S1PR2: variants seen among roughly 807,000 people sequenced by gnomAD.
S1PR2 encodes sphingosine-1-phosphate receptor 2, also known as sphingosine 1-phosphate receptor 2.
A neutral mutation model predicts 16.1 loss-of-function variants in S1PR2; 9 were observed. That is an observed-to-expected ratio of 0.56 (90% CI 0.34 to 0.98). The LOEUF is 0.98. Ranked by LOEUF, S1PR2 falls within the 50% of genes least tolerant of loss-of-function variation. The probability of loss-of-function intolerance (pLI) is 0.02; values close to 1 mark genes in which losing one functional copy is unlikely to be tolerated. For missense variants in S1PR2, 361 were observed against 488.4 expected, an observed-to-expected ratio of 0.74 and a Z score of 2.46; for synonymous variants, 224 against 233.9, an observed-to-expected ratio of 0.96 and a Z score of 0.38.
At chr19:10,230,244 T>TCG (rs2039663101) in intron 1 of S1PR2, among the ~76,000 whole-genome samples, 1 of 152,124 alleles carries the variant, frequency 6.6e-6, no homozygotes, top group African/African-American at 2.4e-5. Flanking sequence ...CCACGCTCGC[T>TCG]CGCGCGGGAG....
chr19:10,224,063 G>A lies in S1PR2; in HGVS notation c.843C>T (p.Ser281=). 6.2e-7 allele frequency: 1 copy of A among 1,603,802 alleles called. No individual in the cohort carries two copies. The highest frequency in any genetic ancestry group is 8.5e-7 in the Non-Finnish European group (1 of 1,177,294). ...HYFFAVSTLN[S]LLNPVIYTWR... ...ACGTGTAGATGACGGGGTTGAGCAG[G>A]GAATTCAGGGTGGAGACGGCGAAAA... Residue 281 remains serine (S), a synonymous_variant, in exon 2 of 2, where the codon TCC becomes TCT. Coordinates refer to ENST00000646641, the MANE Select transcript of S1PR2 (RefSeq NM_004230.4).
At chr19:10,227,967 T>C (rs1220930607) in intron 1 of S1PR2, among the ~76,000 whole-genome samples, 1 of 152,076 alleles carries the variant, frequency 6.6e-6, no homozygotes, top group Non-Finnish European at 1.5e-5. Context: ...CCCCCTCTGC[T>C]GCTCACCAAG....
At chr19:10,225,390 ATT>A (rs35464657) in intron 1 of S1PR2, among the ~76,000 whole-genome samples, 11,857 of 79,812 alleles carry the variant, frequency 0.15, 473 homozygotes, top group Middle Eastern at 0.19. Context: ...CGCCTGGCTA[ATT>A]TTTTTTTTTT....
At position 10,224,480 on chromosome 19, in the gene S1PR2, G is replaced by A. The variant is rs768290233; in HGVS notation, c.426C>T (p.Ser142=). Residue 142 remains serine, a synonymous_variant, in exon 2 of 2, where the codon AGC becomes AGT. Coordinates refer to ENST00000646641, the MANE Select transcript of S1PR2 (RefSeq NM_004230.4). ...GCAGAAGCATGCGGCAGCTCTTGTC[G>A]CTGCCATACAGCTTGACCTTGGCAA... is the stretch of plus-strand genomic sequence containing the variant. ...VAIAKVKLYG[S]DKSCRMLLLI... is the part of the protein sequence containing the mutation. The A allele has an allele frequency of 1.8e-5, 29 of 1,613,830 alleles. No homozygotes were observed. The highest frequency in any genetic ancestry group is 1.1e-4 in the African/African-American group (8 of 75,078).
chr19:10,230,230 G>C (rs925634471), intron 1 of S1PR2, among the ~76,000 whole-genome samples: 3 of 152,318 alleles, frequency 2.0e-5, no homozygotes, highest in East Asian at 1.9e-4. Flanking sequence ...GGAATGCGCG[G>C]TATCCACGCT....
At chr19:10,229,818 A>G (rs984388471) in intron 1 of S1PR2, among the ~76,000 whole-genome samples, 37 of 152,332 alleles carry the variant, frequency 2.4e-4, no homozygotes, top group Admixed American at 2.2e-3. Context: ...TATTATCTGC[A>G]CAGCGCTTGC....
Position 10,223,891 on chromosome 19 carries a change from G to C in S1PR2, c.1015C>G (p.His339Asp). ...RSSSSLERGM[H>D]MPTSPTFLEG... is the part of the protein sequence containing the mutation. ...AGAAACGTGGGTGACGTGGGCATGT[G>C]CATGCCCCTCTCCAGGGAGCTGGAG... Residue 339 changes from histidine to aspartate, a missense_variant, in exon 2 of 2, where the codon CAC becomes GAC. Transcript: ENST00000646641. 1 of 1,579,728 alleles carries C rather than the reference G, an allele frequency of 6.3e-7. No homozygotes were observed. The highest frequency in any genetic ancestry group is 8.6e-7 in the Non-Finnish European group (1 of 1,163,294).
intron 1 of S1PR2, among the ~76,000 whole-genome samples, chr19:10,228,843 TAGACTC>T (rs757518759): frequency 6.6e-6 from 1 of 152,116 alleles, no homozygotes; most frequent in Non-Finnish European, 1.5e-5. Context: ...GGAAGAGAGA[TAGACTC>T]AGACGACTGT....
At chr19:10,226,498 T>C (rs929203194) in intron 1 of S1PR2, among the ~76,000 whole-genome samples, 1 of 152,188 alleles carries the variant, frequency 6.6e-6, no homozygotes, top group African/African-American at 2.4e-5. Flanking sequence ...GTTTAGCTCA[T>C]AGTAAGCACT....
chr19:10,223,709 A>C lies in S1PR2; in HGVS notation c.*135T>G, dbSNP rs1408316455. On this transcript the variant is annotated 3_prime_UTR_variant, in exon 2 of 2. Coordinates refer to ENST00000646641, the MANE Select transcript of S1PR2 (RefSeq NM_004230.4). ...GCCTTATCTGGCCTTTCCAGGTGTG[A>C]AATATTTGCAACATCACCCAGGTCT... 1.9e-5 allele frequency: 16 copies of C among 826,542 alleles called. No individual in the cohort carries two copies. Among genetic ancestry groups the C allele is most frequent in the Non-Finnish European group, 3.0e-5 (16 of 536,300 alleles). 51.2% of individuals were successfully genotyped at this position (826,542 alleles called of 1,614,324 possible).
At chr19:10,230,187 TG>T (rs1399823497) in intron 1 of S1PR2, among the ~76,000 whole-genome samples, 1 of 152,178 alleles carries the variant, frequency 6.6e-6, no homozygotes, top group Non-Finnish European at 1.5e-5. Context: ...GACCCCGTGC[TG>T]GCCCGCACTC....
In S1PR2 at chr19:10,224,555, C is replaced by T. The variant is rs754134254; in HGVS notation, c.351G>A (p.Ser117=). ...AREGSAFITL[S]ASVFSLLAIA... ...TGGCCAGGAGGCTGAAGACAGAGGC[C>T]GAGAGCGTGATGAAGGCAGAGCCCT... Residue 117 remains serine (S), a synonymous_variant, in exon 2 of 2, where the codon TCG becomes TCA. Coordinates refer to ENST00000646641, the MANE Select transcript of S1PR2 (RefSeq NM_004230.4). 9 of 1,613,870 alleles carry T rather than the reference C, an allele frequency of 5.6e-6. No individual in the cohort carries two copies. The highest frequency in any genetic ancestry group is 1.1e-5 in the South Asian group (1 of 91,092).
In S1PR2 at chr19:10,223,517, G is replaced by A; in HGVS notation, c.*327C>T. On this transcript the variant is annotated 3_prime_UTR_variant, in exon 2 of 2. Transcript: ENST00000646641. ...AAAAAAAAATCCTTTGTACCAGGTG[G>A]TAAAGTGCTCCTGCCCTGAGCTCCC... The A allele has an allele frequency of 1.2e-5, 4 of 331,216 alleles. No homozygotes were observed. Among genetic ancestry groups the A allele is most frequent in the South Asian group, 1.1e-4 (1 of 9,224 alleles). 20.5% of individuals were successfully genotyped at this position (331,216 alleles called of 1,614,324 possible). A position where few individuals can be genotyped will look rare whatever the true frequency, so the allele number is the denominator to read the frequency against.
At chr19:10,230,781 T>C (rs920936819) in intron 1 of S1PR2, among the ~76,000 whole-genome samples, 1 of 152,180 alleles carries the variant, frequency 6.6e-6, no homozygotes, top group African/African-American at 2.4e-5. Flanking sequence ...GCCCTCCCCG[T>C]GGGTGCCGCC....
chr19:10,229,110 A>G (rs1323249299), intron 1 of S1PR2, among the ~76,000 whole-genome samples: 1 of 151,354 alleles, frequency 6.6e-6, no homozygotes, highest in Non-Finnish European at 1.5e-5. Context: ...CCCAACTCCA[A>G]ATTCTTCCAT....
chr19:10,223,099 G>T lies in S1PR2; in HGVS notation c.*745C>A, dbSNP rs2039603614. ...GGAGAATCGCTTGAACCTGGGAGGT[G>T]GAGGTTGCAGTGAGCTGAGACCGTA... is the stretch of plus-strand genomic sequence containing the variant. On this transcript the variant is annotated 3_prime_UTR_variant, in exon 2 of 2. Transcript: ENST00000646641. 6.9e-6 allele frequency: 1 copy of T among 144,278 alleles called. No individual in the cohort carries two copies. The highest frequency in any genetic ancestry group is 1.5e-5 in the Non-Finnish European group (1 of 66,950). 8.9% of individuals were successfully genotyped at this position (144,278 alleles called of 1,614,324 possible).
intron 1 of S1PR2, chr19:10,230,567 C>A (rs2039667508): frequency 6.5e-6 from 1 of 154,214 alleles, no homozygotes; most frequent in Non-Finnish European, 1.5e-5. Flanking sequence ...AGTTCCGACG[C>A]TCCGCCCGGC....
At chr19:10,228,863 T>A (rs1369275000) in intron 1 of S1PR2, among the ~76,000 whole-genome samples, 1 of 152,040 alleles carries the variant, frequency 6.6e-6, no homozygotes, top group Non-Finnish European at 1.5e-5. Flanking sequence ...CGACTGTTTG[T>A]CTGGAGATTA....
chr19:10,230,338 T>G (rs1303330196), intron 1 of S1PR2: 1 of 153,960 alleles, frequency 6.5e-6, no homozygotes, highest in Non-Finnish European at 1.5e-5. Flanking sequence ...AGGATTCCTC[T>G]CCGTCCCGCC....
Sources: allele counts gnomAD v4.1 joint callset (sites outside exome capture counted in the v4.1 genomes callset), GRCh38; gene constraint gnomAD v4.1.1; transcripts MANE v1.5; gene names NCBI Gene and HGNC (gene_info 2026-07-23, HGNC 2026-07-21).